The following RFX3 variants were observed in gnomAD, a reference collection of about 807,000 sequenced individuals.
The protein encoded by RFX3 is regulatory factor X3.
A neutral mutation model predicts 98.6 loss-of-function variants in RFX3; 14 were observed. That is an observed-to-expected ratio of 0.14 (90% confidence interval 0.09 to 0.22). The LOEUF (loss-of-function observed/expected upper bound fraction) is 0.22. Among genes scored for constraint, RFX3 ranks in the 10% least tolerant of loss-of-function variants. The pLI is 1.00. For missense variants in RFX3, 639 were observed against 926.9 expected (o/e 0.69, Z 4.03); for synonymous variants, 383 against 328.4 (o/e 1.17, Z -1.80).
chr9:3,318,848 T>C (rs1830934821), intron 4 of RFX3, among the ~76,000 whole-genome samples: 1 of 152,186 alleles, frequency 6.6e-6, no homozygotes. Flanking sequence ...ATTGAATGTG[T>C]TCTGAGAACA....
chr9:3,326,727 G>C (rs1831966228), intron 4 of RFX3, among the ~76,000 whole-genome samples: 1 of 152,080 alleles, frequency 6.6e-6, no homozygotes, highest in South Asian at 2.1e-4. Context: ...TCTTTATCCA[G>C]TCTATCACTG....
intron 7 of RFX3, among the ~76,000 whole-genome samples, chr9:3,283,102 C>T (rs1366139627): frequency 1.3e-5 from 2 of 151,600 alleles, no homozygotes; most frequent in African/African-American, 2.4e-5. Context: ...ATTACATCAC[C>T]AGGGAATTAA....
chr9:3,309,237 G>C (rs1031268126), intron 4 of RFX3, among the ~76,000 whole-genome samples: 5 of 152,066 alleles, frequency 3.3e-5, no homozygotes, highest in Admixed American at 6.6e-5. Flanking sequence ...ATTCAGAAAG[G>C]GCAAGGGAGA....
At chr9:3,327,472 A>G (rs369616929) in intron 4 of RFX3, among the ~76,000 whole-genome samples, 18 of 152,192 alleles carry the variant, frequency 1.2e-4, no homozygotes, top group African/African-American at 4.1e-4. Context: ...AAACACTAGC[A>G]GAAGTATATT....
intron 1 of RFX3, among the ~76,000 whole-genome samples, chr9:3,436,362 G>C (rs2132618622): frequency 6.6e-6 from 1 of 152,154 alleles, no homozygotes; most frequent in South Asian, 2.1e-4. Flanking sequence ...ATATAGCCCA[G>C]AAAGTGTGTC....
chr9:3,363,159 G>T (rs1301065653), intron 2 of RFX3, among the ~76,000 whole-genome samples: 2 of 152,088 alleles, frequency 1.3e-5, no homozygotes, highest in East Asian at 3.9e-4. Context: ...ATAATACTGT[G>T]GTGACCAGAA....
intron 1 of RFX3, among the ~76,000 whole-genome samples, chr9:3,511,922 T>C (rs1394024423): frequency 6.6e-6 from 1 of 152,074 alleles, no homozygotes; most frequent in East Asian, 1.9e-4. Context: ...CAGTAATTTA[T>C]TGTACACTTT....
chr9:3,356,193 G>C (rs930078428), intron 2 of RFX3, among the ~76,000 whole-genome samples: 1 of 147,694 alleles, frequency 6.8e-6, no homozygotes, highest in Non-Finnish European at 1.5e-5. Flanking sequence ...AGGAAGGAAG[G>C]AAGGAAAGAA....
chr9:3,230,393 A>G (rs919746483), intron 15 of RFX3, among the ~76,000 whole-genome samples: 8 of 152,124 alleles, frequency 5.3e-5, no homozygotes, highest in African/African-American at 1.9e-4. Flanking sequence ...AAAAACCACT[A>G]TTACTTTTGT....
At chr9:3,366,001 G>C (rs557225618) in intron 2 of RFX3, among the ~76,000 whole-genome samples, 1 of 151,890 alleles carries the variant, frequency 6.6e-6, no homozygotes, top group Non-Finnish European at 1.5e-5. Context: ...TGGTGCAGCG[G>C]GCCCTGCTCC....
intron 5 of RFX3, among the ~76,000 whole-genome samples, chr9:3,299,438 C>T (rs970450164): frequency 2.6e-5 from 4 of 151,544 alleles, no homozygotes; most frequent in African/African-American, 7.3e-5. Flanking sequence ...ATAAACCATC[C>T]GTAGAATCAT....
intron 2 of RFX3, among the ~76,000 whole-genome samples, chr9:3,387,979 T>C (rs1032678638): frequency 1.3e-5 from 2 of 152,152 alleles, no homozygotes; most frequent in Non-Finnish European, 2.9e-5. Context: ...TAAGATACTT[T>C]TGATCAAAAT....
chr9:3,310,174 A>T (rs567265826), intron 4 of RFX3, among the ~76,000 whole-genome samples: 2 of 152,310 alleles, frequency 1.3e-5, no homozygotes, highest in East Asian at 3.9e-4. Flanking sequence ...CCTCAGTTTG[A>T]AATGCAGCAA....
intron 2 of RFX3, among the ~76,000 whole-genome samples, chr9:3,359,191 G>T (rs1258340414): frequency 6.6e-6 from 1 of 151,948 alleles, no homozygotes; most frequent in Non-Finnish European, 1.5e-5. Flanking sequence ...AATGGAGGAA[G>T]CAAAGAGGGA....
chr9:3,371,156 A>G (rs1055721034), intron 2 of RFX3, among the ~76,000 whole-genome samples: 2 of 152,178 alleles, frequency 1.3e-5, no homozygotes, highest in Admixed American at 6.5e-5. Context: ...TAAGTTCTCT[A>G]AACACCAGGG....
intron 15 of RFX3, among the ~76,000 whole-genome samples, chr9:3,238,091 A>G (rs1451108823): frequency 6.6e-6 from 1 of 152,228 alleles, no homozygotes; most frequent in Non-Finnish European, 1.5e-5. Context: ...GTGTTTGCAG[A>G]GGGACCTAGA....
At chr9:3,377,490 T>C (rs965134453) in intron 2 of RFX3, among the ~76,000 whole-genome samples, 2 of 152,010 alleles carry the variant, frequency 1.3e-5, no homozygotes, top group Non-Finnish European at 2.9e-5. Flanking sequence ...CTAACATAAA[T>C]GACAAGTTAA....
chr9:3,344,386 A>C (rs1485551208), intron 3 of RFX3, among the ~76,000 whole-genome samples: 2 of 152,156 alleles, frequency 1.3e-5, no homozygotes, highest in African/African-American at 4.8e-5. Context: ...CTGAAAATCT[A>C]AAATCTGAAA....
chr9:3,331,499 A>G (rs1832596125), intron 3 of RFX3, among the ~76,000 whole-genome samples: 1 of 152,172 alleles, frequency 6.6e-6, no homozygotes, highest in Non-Finnish European at 1.5e-5. Flanking sequence ...TTCTTTTGCT[A>G]TTATCTTCAA....
Sources: allele counts gnomAD v4.1 joint callset (sites outside exome capture counted in the v4.1 genomes callset), GRCh38; gene constraint gnomAD v4.1.1; transcripts MANE v1.5; gene names NCBI Gene and HGNC (gene_info 2026-07-23, HGNC 2026-07-21).